The following CTCF variants were observed in gnomAD, a reference collection of about 807,000 sequenced individuals.
CTCF encodes the protein CCCTC-binding factor, also known as transcriptional repressor CTCF.
CTCF carries 7 observed loss-of-function variants against 72.3 expected under a neutral mutation model. The ratio of observed to expected loss-of-function variants is 0.10; its 90% CI spans 0.06 to 0.18. The LOEUF (loss-of-function observed/expected upper bound fraction) is 0.18, where lower values mean the gene tolerates loss of function less well. CTCF is among the 10% of genes least tolerant of loss of function. The pLI is 1.00. For synonymous variants in CTCF, 374 were observed against 315.8 expected, an observed-to-expected ratio of 1.18 and a Z score of -1.95; for missense variants, 516 against 949.1, an observed-to-expected ratio of 0.54 and a Z score of 6.00.
At chr16:67,603,599 C>T (rs752021786) in intron 2 of CTCF, among the ~76,000 whole-genome samples, 5 of 150,634 alleles carry the variant, frequency 3.3e-5, no homozygotes, top group East Asian at 2.0e-4. Flanking sequence ...CCAAGGCGGG[C>T]GGATCAGGAG....
chr16:67,629,615 G>T, intron 10 of CTCF, 82 bp downstream of exon 10: 3 of 1,427,122 alleles, frequency 2.1e-6, no homozygotes, highest in Non-Finnish European at 1.9e-6. Context: ...GGATATGCTG[G>T]GATATAGAGG....
chr16:67,584,337 C>CTTTTTTTTTTTTTTTTTT (rs904086024), intron 2 of CTCF, among the ~76,000 whole-genome samples: 1 of 105,860 alleles, frequency 9.4e-6, no homozygotes, highest in African/African-American at 4.3e-5. Context: ...AAAAAGTCTT[C>CTTTTTTTTTTTTTTTTTT]TTTTTTTTTT....
At chr16:67,597,464 G>A (rs977534335) in intron 2 of CTCF, among the ~76,000 whole-genome samples, 19 of 151,918 alleles carry the variant, frequency 1.3e-4, no homozygotes, top group East Asian at 3.9e-4. Context: ...TCAGCCTCCC[G>A]AGTAGTTGGG....
intron 10 of CTCF, among the ~76,000 whole-genome samples, chr16:67,634,069 TTATTA>T (rs1344939057): frequency 6.6e-6 from 1 of 152,224 alleles, no homozygotes; most frequent in African/African-American, 2.4e-5. Context: ...TAATACCTGT[TTATTA>T]TATTAATCCT....
chr16:67,570,233 C>T (rs2051397887), intron 1 of CTCF, among the ~76,000 whole-genome samples: 1 of 151,964 alleles, frequency 6.6e-6, no homozygotes, highest in South Asian at 2.1e-4. Flanking sequence ...CCCGCCACCA[C>T]ACCCGGCTAA....
At chr16:67,565,086 C>T (rs2051325149) in intron 1 of CTCF, among the ~76,000 whole-genome samples, 1 of 151,880 alleles carries the variant, frequency 6.6e-6, no homozygotes, top group Admixed American at 6.6e-5. Context: ...ACTGCAACCT[C>T]TGCCTCCCGG....
At chr16:67,611,723 T>C (rs1055722423) in intron 3 of CTCF, 110 bp downstream of exon 3, 8 of 1,133,226 alleles carry the variant, frequency 7.1e-6, no homozygotes, top group African/African-American at 3.1e-5. Flanking sequence ...AAGGTCGTTA[T>C]GTGGGTACCG....
chr16:67,581,447 C>T (rs2051580983), intron 2 of CTCF, among the ~76,000 whole-genome samples: 1 of 151,906 alleles, frequency 6.6e-6, no homozygotes. Flanking sequence ...CTTAGCCTCC[C>T]AAGTAGCTGG....
chr16:67,622,788 C>T (rs1171185989), intron 7 of CTCF, among the ~76,000 whole-genome samples: 1 of 148,274 alleles, frequency 6.7e-6, no homozygotes, highest in South Asian at 2.2e-4. Context: ...AGATTATAGG[C>T]GCATACCACC....
At chr16:67,625,026 A>T (rs2052264130) in intron 7 of CTCF, among the ~76,000 whole-genome samples, 1 of 151,976 alleles carries the variant, frequency 6.6e-6, no homozygotes, top group South Asian at 2.1e-4. Context: ...CCTGGTTTAA[A>T]TGATTCTCCT....
intron 2 of CTCF, among the ~76,000 whole-genome samples, chr16:67,604,964 ATTTTTTTTTTT>A (rs34873720): frequency 1.4e-5 from 1 of 73,776 alleles, no homozygotes; most frequent in African/African-American, 6.3e-5. Context: ...TATAAATGGG[ATTTTTTTTTTT>A]TTTTTTTTTT....
At chr16:67,615,730 G>A (rs1422575623) in intron 4 of CTCF, 7 of 152,174 alleles carry the variant, frequency 4.6e-5, no homozygotes, top group Non-Finnish European at 8.8e-5. Context: ...GTGCTTTACC[G>A]TTAGATCCAT....
At chr16:67,591,025 G>A (rs2051736519) in intron 2 of CTCF, among the ~76,000 whole-genome samples, 1 of 149,386 alleles carries the variant, frequency 6.7e-6, no homozygotes, top group South Asian at 2.1e-4. Context: ...GATTACAGGC[G>A]TGAGCCACCG....
intron 2 of CTCF, among the ~76,000 whole-genome samples, chr16:67,591,551 G>GTATAT (rs1409285885): frequency 2.0e-5 from 3 of 152,114 alleles, no homozygotes; most frequent in African/African-American, 4.8e-5. Context: ...AGATGATGGC[G>GTATAT]TATATGTTTT....
chr16:67,572,806 G>C (rs1243514116), intron 2 of CTCF, among the ~76,000 whole-genome samples: 2 of 151,074 alleles, frequency 1.3e-5, no homozygotes, highest in Non-Finnish European at 2.9e-5. Flanking sequence ...CGAGTGTGGT[G>C]GTGGGTGCCT....
intron 5 of CTCF, 32 bp from the exon 6 acceptor site, chr16:67,620,665 G>T: frequency 6.6e-7 from 1 of 1,522,100 alleles, no homozygotes; most frequent in South Asian, 1.2e-5. Flanking sequence ...TGTGTTAACA[G>T]AAGTTAAAGT....
At chr16:67,606,591 G>C (rs1398545866) in intron 2 of CTCF, among the ~76,000 whole-genome samples, 1 of 152,052 alleles carries the variant, frequency 6.6e-6, no homozygotes, top group Non-Finnish European at 1.5e-5. Flanking sequence ...CTCTCAGGTG[G>C]TCCTGGCTTA....
Position 67,567,578 on chromosome 16 carries a change from CTT to C in CTCF, c.-126-3560_-126-3559del, listed in dbSNP as rs551109085. On this transcript the variant is annotated intron_variant, in intron 1 of 11. Transcript: ENST00000264010. Reference sequence around the variant, plus strand: ...CCTCATGTGCCAAATTGCTTGGAAACTTTTTTTTTTTAATACATTTTGATTGA... The same window carrying C: ...CCTCATGTGCCAAATTGCTTGGAAACTTTTTTTTTAATACATTTTGATTGA... Among the ~76,000 whole-genome samples, 386 of 147,768 alleles carry C rather than the reference CTT, an allele frequency of 2.6e-3. 3 individuals carry two copies. The highest frequency in any genetic ancestry group is 9.1e-3 in the African/African-American group (367 of 40,354).
At chr16:67,620,389 C>T (rs561789047) in intron 5 of CTCF, among the ~76,000 whole-genome samples, 3 of 152,014 alleles carry the variant, frequency 2.0e-5, no homozygotes, top group South Asian at 2.1e-4. Context: ...TTAGTAGATA[C>T]GGGGTCTCAC....
Sources: gnomAD v4.1 joint callset for allele counts (sites outside exome capture counted in the v4.1 genomes callset) on GRCh38, gnomAD v4.1.1 for gene constraint, MANE v1.5 for transcripts, NCBI Gene and HGNC (gene_info 2026-07-23, HGNC 2026-07-21) for gene names.